BIRC6: variants seen among roughly 807,000 people sequenced by gnomAD.
BIRC6 encodes baculoviral IAP repeat containing 6.
A neutral mutation model predicts 503.3 loss-of-function variants in BIRC6; 98 were observed. The ratio of observed to expected loss-of-function variants is 0.19; its 90% CI spans 0.17 to 0.23. The LOEUF (loss-of-function observed/expected upper bound fraction) is 0.23. Among genes scored for constraint, BIRC6 ranks in the 10% least tolerant of loss-of-function variants. The pLI is 1.00. For missense variants in BIRC6, 5,360 were observed against 5,806.0 expected (o/e 0.92, Z 2.50); for synonymous variants, 2,240 against 2,078.7 (o/e 1.08, Z -2.11).
intron 9 of BIRC6, 36 bp from the exon 10 acceptor site, chr2:32,414,733 A>G (rs1158341052): frequency 6.6e-7 from 1 of 1,523,528 alleles, no homozygotes; most frequent in African/African-American, 1.4e-5. Flanking sequence ...CTGGATGAGT[A>G]GAAACATATC....
intron 71 of BIRC6, among the ~76,000 whole-genome samples, chr2:32,604,355 C>T (rs2062283437): frequency 6.6e-6 from 1 of 152,070 alleles, no homozygotes; most frequent in African/African-American, 2.4e-5. Context: ...CTGCTTATTT[C>T]CGGCCTACAG....
At position 32,377,761 on chromosome 2, in the gene BIRC6, G is replaced by C. The variant is rs542930045; in HGVS notation, c.499G>C (p.Val167Leu). The C allele has an allele frequency of 1.2e-6, 2 of 1,610,524 alleles. No homozygotes were observed. Among genetic ancestry groups the C allele is most frequent in the Non-Finnish European group, 1.7e-6 (2 of 1,178,556 alleles). ...TGATGTGGTTCAGCTTGAATTACCC[G>C]TTACAGAGGTAAGTTGAAATAAGTA... Reference protein sequence around the residue: ...QDDVVQLELPVTEAQQLLSAC... With the variant: ...QDDVVQLELPLTEAQQLLSAC... The change falls in exon 2 of 74, where the codon GTT (valine) becomes CTT (leucine). Residue 167 changes from valine (V) to leucine (L), a missense_variant. This residue lies in a region of BIRC6 where 134 missense variants were observed against 150.9 expected (regional missense o/e 0.89). Transcript: ENST00000421745.
chr2:32,557,033 A>T (rs2058835863), intron 65 of BIRC6, among the ~76,000 whole-genome samples: 1 of 152,250 alleles, frequency 6.6e-6, no homozygotes, highest in South Asian at 2.1e-4. Flanking sequence ...ACCCACATTT[A>T]TCAGAGAAAT....
intron 1 of BIRC6, among the ~76,000 whole-genome samples, chr2:32,358,445 G>T (rs2149040777): frequency 6.6e-6 from 1 of 152,278 alleles, no homozygotes; most frequent in South Asian, 2.1e-4. Context: ...AGTTAGATTT[G>T]GCGGAGATGA....
chr2:32,515,835 G>T (rs900300507), intron 55 of BIRC6, 65 bp downstream of exon 55: 6 of 1,406,032 alleles, frequency 4.3e-6, no homozygotes, highest in Non-Finnish European at 4.7e-6. Context: ...ATGTATAAAG[G>T]CCAGGTAATA....
chr2:32,611,108 C>CA (rs1379807354), intron 72 of BIRC6, among the ~76,000 whole-genome samples: 3 of 126,172 alleles, frequency 2.4e-5, no homozygotes, highest in Non-Finnish European at 5.1e-5. Context: ...ATTAAATTGC[C>CA]TTTTTTTTTT....
At chr2:32,504,700 A>G (rs1335481996) in intron 49 of BIRC6, among the ~76,000 whole-genome samples, 2 of 151,830 alleles carry the variant, frequency 1.3e-5, no homozygotes, top group African/African-American at 4.8e-5. Flanking sequence ...AATAATAAAA[A>G]AAATTTAAAA....
At chr2:32,434,198 A>G (rs1036034501) in intron 13 of BIRC6, among the ~76,000 whole-genome samples, 1 of 152,076 alleles carries the variant, frequency 6.6e-6, no homozygotes, top group African/African-American at 2.4e-5. Flanking sequence ...CTAAAAATAC[A>G]CTCATTTTTA....
At position 32,529,678 on chromosome 2, in the gene BIRC6, T is replaced by C; in HGVS notation, c.11948T>C (p.Leu3983Pro). The C allele has an allele frequency of 6.2e-7, 1 of 1,604,458 alleles. No individual in the cohort carries two copies. Among genetic ancestry groups the C allele is most frequent in the Non-Finnish European group, 8.5e-7 (1 of 1,176,388 alleles). ...CAGCCATTGCCAGCTGAAATGACACTTGCCCAGCTTTTAACTCTCCTATAT... is the reference window on the plus strand; with the variant it reads ...CAGCCATTGCCAGCTGAAATGACACCTGCCCAGCTTTTAACTCTCCTATAT... ...AGQPLPAEMT[L>P]AQLLTLLYDR... The change falls in exon 60 of 74, where the codon CTT (leucine) becomes CCT (proline). Residue 3983 changes from leucine (L) to proline (P), a missense_variant. Physicochemically the swap from Leu to Pro is moderately conservative, Grantham distance 98. Coordinates refer to ENST00000421745, the MANE Select transcript of BIRC6 (RefSeq NM_016252.4).
intron 1 of BIRC6, among the ~76,000 whole-genome samples, chr2:32,365,072 G>A (rs1558527749): frequency 6.6e-6 from 1 of 152,098 alleles, no homozygotes; most frequent in Non-Finnish European, 1.5e-5. Context: ...ACTTAATTTA[G>A]CAGAATCTCT....
chr2:32,406,611 A>C, intron 9 of BIRC6, 54 bp downstream of exon 9: 6 of 1,251,704 alleles, frequency 4.8e-6, no homozygotes, highest in Non-Finnish European at 6.9e-6. Context: ...ACAGTTGTGC[A>C]TACAGCTAAC....
Position 32,387,457 on chromosome 2 carries a change from T to C in BIRC6, c.646-1293T>C, listed in dbSNP as rs1364949960. On this transcript the variant is annotated intron_variant, in intron 3 of 73. Transcript: ENST00000421745. ...GTGAACTGGGGACAGGATATAAAGA[T>C]GCAATTACATTATAGACTTATTTCT... Among the ~76,000 whole-genome samples, 5 of 152,182 alleles carry C rather than the reference T, an allele frequency of 3.3e-5. No homozygotes were observed. The East Asian group carries it at 9.6e-4, about 29-fold the overall frequency.
chr2:32,542,310 C>T (rs1424294667), intron 61 of BIRC6, among the ~76,000 whole-genome samples: 2 of 152,030 alleles, frequency 1.3e-5, no homozygotes, highest in Non-Finnish European at 2.9e-5. Context: ...GTAGGTAGAA[C>T]ATGAGCCTAG....
intron 6 of BIRC6, among the ~76,000 whole-genome samples, chr2:32,399,405 G>A (rs1228451498): frequency 6.6e-6 from 1 of 152,014 alleles, no homozygotes; most frequent in Non-Finnish European, 1.5e-5. Flanking sequence ...TTTTAGATAC[G>A]GGGTCTTGCT....
intron 65 of BIRC6, chr2:32,563,232 AT>A (rs2059319030): frequency 6.6e-6 from 1 of 152,242 alleles, no homozygotes; most frequent in African/African-American, 2.4e-5. Flanking sequence ...AAATGAGTTT[AT>A]AAAGCAGTGC....
At chr2:32,412,580 A>C (rs758951813) in intron 9 of BIRC6, among the ~76,000 whole-genome samples, 9 of 152,242 alleles carry the variant, frequency 5.9e-5, no homozygotes, top group Non-Finnish European at 1.2e-4. Flanking sequence ...AATGAAATAA[A>C]GATTAGCAGA....
chr2:32,490,228 T>G, intron 43 of BIRC6, 77 bp downstream of exon 43: 1 of 1,284,540 alleles, frequency 7.8e-7, no homozygotes, highest in Non-Finnish European at 1.1e-6. Context: ...AAAACAGAGT[T>G]TTCCAAGGAG....
intron 72 of BIRC6, among the ~76,000 whole-genome samples, chr2:32,609,442 A>G (rs568847999): frequency 1.3e-5 from 2 of 152,278 alleles, no homozygotes; most frequent in East Asian, 3.9e-4. Flanking sequence ...TTTCTTTCTT[A>G]AAATTGTTTC....
At chr2:32,443,199 C>T (rs937222997) in intron 19 of BIRC6, among the ~76,000 whole-genome samples, 1 of 152,074 alleles carries the variant, frequency 6.6e-6, no homozygotes, top group Non-Finnish European at 1.5e-5. Flanking sequence ...TATACGGGTT[C>T]TTAATGTTTA....
Sources: gnomAD v4.1 joint callset for allele counts (sites outside exome capture counted in the v4.1 genomes callset) on GRCh38, gnomAD v4.1.1 for gene constraint, gnomAD v4.1.1 regional missense constraint, MANE v1.5 for transcripts, NCBI Gene and HGNC (gene_info 2026-07-23, HGNC 2026-07-21) for gene names.